C11orf65: variants seen among roughly 807,000 people sequenced by gnomAD.
C11orf65 encodes the protein protein MFI.
Under a neutral mutation model 35.3 loss-of-function variants are expected in C11orf65, and 38 were observed. The ratio of observed to expected loss-of-function variants is 1.08; its 90% CI spans 0.83 to 1.41. C11orf65 has a LOEUF of 1.41. Among genes scored for constraint, C11orf65 ranks in the 40% most tolerant of loss-of-function variants. The pLI, the probability that C11orf65 is intolerant of heterozygous loss-of-function variation, is 0.00. For missense variants in C11orf65, 370 were observed against 367.1 expected (o/e 1.01, Z -0.06); for synonymous variants, 105 against 114.4 (o/e 0.92, Z 0.53).
At chr11:108,372,395 T>C (rs905579358) in intron 2 of C11orf65, among the ~76,000 whole-genome samples, 2 of 152,180 alleles carry the variant, frequency 1.3e-5, no homozygotes, top group African/African-American at 2.4e-5. Context: ...GGTTTCACCA[T>C]GTTGGCCAGG....
intron 3 of C11orf65, among the ~76,000 whole-genome samples, chr11:108,419,353 CAATT>C (rs1299624695): frequency 2.0e-5 from 3 of 152,078 alleles, no homozygotes; most frequent in African/African-American, 7.2e-5. Context: ...AATTGTATCT[CAATT>C]AAAGCAAAAA....
At chr11:108,357,281 C>T (rs111915996) in intron 2 of C11orf65, among the ~76,000 whole-genome samples, 55 of 149,096 alleles carry the variant, frequency 3.7e-4, no homozygotes, top group South Asian at 6.5e-4. Context: ...CCGCAGCTGG[C>T]TTGGAGGGTC....
At chr11:108,407,711 G>A (rs1280977363) in intron 3 of C11orf65, among the ~76,000 whole-genome samples, 2 of 151,296 alleles carry the variant, frequency 1.3e-5, no homozygotes, top group African/African-American at 4.8e-5. Context: ...TTGGGAGGCC[G>A]AGGTGGGTGG....
downstream of C11orf65, among the ~76,000 whole-genome samples, chr11:108,328,404 A>G (rs4988116): frequency 3.5e-3 from 527 of 152,032 alleles, 2 homozygotes; most frequent in Non-Finnish European, 5.8e-3. Flanking sequence ...GTGCCACCAC[A>G]CCCGGCTAAT....
chr11:108,424,430 T>C (rs954843083), intron 3 of C11orf65, among the ~76,000 whole-genome samples: 10 of 152,156 alleles, frequency 6.6e-5, no homozygotes, highest in Non-Finnish European at 2.9e-5. Context: ...CTACATTTGA[T>C]TGATATACCT....
rs188476224 is a variant in C11orf65 at position 108,425,004 on chromosome 11, C to A, written c.174+6742G>T. Among the ~76,000 whole-genome samples the A allele has an allele frequency of 5.3e-5, 8 of 152,296 alleles. No homozygotes were observed. In the East Asian group the frequency reaches 1.5e-3, roughly 29 times the overall value. Reference sequence around the variant, plus strand: ...CAGACTTCCCAGGAAACAGCTAAAGCAGTGTTTAGAGGGAAATTTATAGCA... The same window carrying A: ...CAGACTTCCCAGGAAACAGCTAAAGAAGTGTTTAGAGGGAAATTTATAGCA... On this transcript the variant is annotated intron_variant, in intron 3 of 8. Coordinates refer to ENST00000393084, the MANE Select transcript of C11orf65 (RefSeq NM_152587.5).
chr11:108,321,273 CAG>C (rs745661253), intron 6 of C11orf65: 45 of 1,613,436 alleles, frequency 2.8e-5, no homozygotes, highest in Non-Finnish European at 3.3e-5. Context: ...TCTTTATTTT[CAG>C]AGTGTCTTTT....
chr11:108,366,043 A>G (rs2137957551), intron 2 of C11orf65: 1 of 175,208 alleles, frequency 5.7e-6, no homozygotes, highest in East Asian at 9.9e-5. Context: ...AAAAAAAAAA[A>G]AAAAACAGAA....
chr11:108,443,913 G>C (rs1416259261), intron 2 of C11orf65, among the ~76,000 whole-genome samples: 1 of 151,994 alleles, frequency 6.6e-6, no homozygotes, highest in Non-Finnish European at 1.5e-5. Context: ...AAAAGAACTA[G>C]AGAAGCAAGA....
At chr11:108,444,650 G>C (rs1441770262) in intron 2 of C11orf65, among the ~76,000 whole-genome samples, 1 of 152,146 alleles carries the variant, frequency 6.6e-6, no homozygotes, top group East Asian at 1.9e-4. Flanking sequence ...AATAGGAACA[G>C]CTCCAGTCTA....
At chr11:108,409,667 A>G (rs1431789722) in intron 3 of C11orf65, among the ~76,000 whole-genome samples, 4 of 152,146 alleles carry the variant, frequency 2.6e-5, no homozygotes, top group African/African-American at 9.6e-5. Flanking sequence ...ATGGACTGGT[A>G]CCAGTCCATG....
At chr11:108,458,682 G>T (rs2093435839) in intron 2 of C11orf65, among the ~76,000 whole-genome samples, 1 of 152,094 alleles carries the variant, frequency 6.6e-6, no homozygotes, top group African/African-American at 2.4e-5. Context: ...ATTTCCCCAT[G>T]CCCTAACCAA....
intron 2 of C11orf65, among the ~76,000 whole-genome samples, chr11:108,362,368 A>T (rs1358877018): frequency 6.6e-6 from 1 of 151,640 alleles, no homozygotes; most frequent in Non-Finnish European, 1.5e-5. Flanking sequence ...AAACTAGTTC[A>T]ACCATTGTGG....
intron 6 of C11orf65, among the ~76,000 whole-genome samples, chr11:108,401,145 C>T (rs867102347): frequency 6.6e-6 from 1 of 151,772 alleles, no homozygotes; most frequent in Non-Finnish European, 1.5e-5. Flanking sequence ...ATGCTGCTCC[C>T]CTCGCTCCCC....
intron 3 of C11orf65, among the ~76,000 whole-genome samples, chr11:108,424,376 A>C (rs1208362472): frequency 1.3e-5 from 2 of 152,194 alleles, no homozygotes; most frequent in African/African-American, 4.8e-5. Flanking sequence ...AAAAGGAGTG[A>C]ACAAAGCCTC....
At chr11:108,386,554 C>T (rs954185072) in intron 7 of C11orf65, among the ~76,000 whole-genome samples, 8 of 152,040 alleles carry the variant, frequency 5.3e-5, no homozygotes, top group African/African-American at 1.5e-4. Context: ...AATAGAGAGA[C>T]GAGGGTTGCC....
intron 3 of C11orf65, among the ~76,000 whole-genome samples, chr11:108,427,364 A>T (rs2092917256): frequency 6.6e-6 from 1 of 151,464 alleles, no homozygotes; most frequent in African/African-American, 2.4e-5. Flanking sequence ...CCCACCAAAA[A>T]GGGGGTGAAG....
chr11:108,393,591 C>T (rs892545235), intron 6 of C11orf65, among the ~76,000 whole-genome samples: 38 of 152,288 alleles, frequency 2.5e-4, no homozygotes, highest in African/African-American at 7.9e-4. Flanking sequence ...AACTTAAAAT[C>T]ACCCCTCAAT....
chr11:108,440,790 T>C (rs942672446), intron 2 of C11orf65, among the ~76,000 whole-genome samples: 3 of 152,200 alleles, frequency 2.0e-5, no homozygotes, highest in African/African-American at 7.2e-5. Context: ...TTAGTGGTTT[T>C]AATGGTAAAG....
Sources: allele counts gnomAD v4.1 joint callset (sites outside exome capture counted in the v4.1 genomes callset), GRCh38; gene constraint gnomAD v4.1.1; transcripts MANE v1.5; gene names NCBI Gene and HGNC (gene_info 2026-07-23, HGNC 2026-07-21).